Variants in LRRC37A3 observed in about 807,000 individuals in gnomAD.
LRRC37A3 encodes leucine rich repeat containing 37 member A3.
LRRC37A3 carries 25 observed loss-of-function variants against 106.2 expected under a neutral mutation model. The ratio of observed to expected loss-of-function variants is 0.24; its 90% CI spans 0.17 to 0.33. The LOEUF is 0.33. LRRC37A3 is among the 10% of genes least tolerant of loss of function. The pLI is 1.00. For synonymous variants in LRRC37A3, 305 were observed against 635.8 expected (o/e 0.48, Z 7.83); for missense variants, 712 against 1,644.9 (o/e 0.43, Z 9.81).
At chr17:64,911,417 C>T (rs1373003950) in intron 2 of LRRC37A3, among the ~76,000 whole-genome samples, 1 of 134,754 alleles carries the variant, frequency 7.4e-6, no homozygotes, top group Non-Finnish European at 1.6e-5. Flanking sequence ...TGACATTTCT[C>T]TCAGTACTTT....
Position 64,860,803 on chromosome 17 carries a change from C to G in LRRC37A3, c.3343G>C (p.Asp1115His). 2 of 1,614,204 alleles carry G rather than the reference C, an allele frequency of 1.2e-6. No individual in the cohort carries two copies. Among genetic ancestry groups the G allele is most frequent in the Non-Finnish European group, 1.7e-6 (2 of 1,180,024 alleles). ...SEQLDTNDES[D>H]VTSTLSYILP... is the part of the protein sequence containing the mutation. Reference sequence around the variant, plus strand: ...ATGTAACTTAGTGTACTGGTAACATCACTCTCGTCATTGGTGTCTAGCTGC... The same window carrying G: ...ATGTAACTTAGTGTACTGGTAACATGACTCTCGTCATTGGTGTCTAGCTGC... Residue 1115 changes from aspartate to histidine, a missense_variant, in exon 12 of 15, where the codon GAT becomes CAT. Transcript: ENST00000584306.
intron 8 of LRRC37A3, among the ~76,000 whole-genome samples, chr17:64,884,347 G>GATGATT (rs1973804485): frequency 1.3e-5 from 2 of 150,756 alleles, no homozygotes; most frequent in Non-Finnish European, 1.5e-5. Flanking sequence ...TGACGATGAT[G>GATGATT]ATTATTATTA....
chr17:64,861,346 C>A (rs570837874), intron 11 of LRRC37A3, among the ~76,000 whole-genome samples: 146 of 152,298 alleles, frequency 9.6e-4, no homozygotes, highest in African/African-American at 3.5e-3. Flanking sequence ...GCTGTCCTGC[C>A]TCAGATGCAG....
intron 10 of LRRC37A3, chr17:64,863,639 G>A (rs1972955189): frequency 6.5e-6 from 1 of 153,106 alleles, no homozygotes; most frequent in Non-Finnish European, 1.5e-5. Flanking sequence ...AAATGTAGAA[G>A]GAATGACAGA....
intron 8 of LRRC37A3, among the ~76,000 whole-genome samples, chr17:64,873,248 T>C (rs1291403031): frequency 6.7e-6 from 1 of 149,508 alleles, no homozygotes; most frequent in Non-Finnish European, 1.5e-5. Flanking sequence ...AAACAAAGTA[T>C]GGCCCAAACA....
intron 10 of LRRC37A3, among the ~76,000 whole-genome samples, chr17:64,866,396 T>C (rs1347853790): frequency 6.6e-6 from 1 of 151,110 alleles, no homozygotes; most frequent in East Asian, 1.9e-4. Context: ...AAGGGCCCTT[T>C]CCATGCTAAT....
chr17:64,881,303 A>G, intron 8 of LRRC37A3: 2 of 664,784 alleles, frequency 3.0e-6, no homozygotes, highest in Non-Finnish European at 2.7e-6. Context: ...AGTGCAGTGC[A>G]GTGGTGTGAT....
At chr17:64,873,213 A>G (rs1973380389) in intron 8 of LRRC37A3, among the ~76,000 whole-genome samples, 1 of 150,356 alleles carries the variant, frequency 6.7e-6, no homozygotes, top group Non-Finnish European at 1.5e-5. Context: ...TCAATTTTTA[A>G]CAAACATTTA....
intron 8 of LRRC37A3, among the ~76,000 whole-genome samples, chr17:64,882,405 G>C (rs558147348): frequency 9.2e-5 from 14 of 152,150 alleles, no homozygotes; most frequent in African/African-American, 2.9e-4. Flanking sequence ...CTGCAGCTGA[G>C]AGAAGAAAAG....
intron 2 of LRRC37A3, among the ~76,000 whole-genome samples, chr17:64,917,149 G>A (rs948091735): frequency 6.6e-6 from 1 of 150,868 alleles, no homozygotes; most frequent in Non-Finnish European, 1.5e-5. Flanking sequence ...GGGAGGCTGA[G>A]GCAGGAGAAT....
intron 8 of LRRC37A3, among the ~76,000 whole-genome samples, chr17:64,875,605 A>G (rs1246025419): frequency 1.3e-5 from 2 of 152,100 alleles, no homozygotes; most frequent in East Asian, 1.9e-4. Context: ...CCTGGCAAAC[A>G]TGGTGAAACC....
rs369581909 is a variant in LRRC37A3, at chr17:64,860,572, C to T, written c.3574G>A (p.Gly1192Ser). ...VGRQSIRREQGAQASVENTAE... is the reference protein window; with the variant it reads ...VGRQSIRREQSAQASVENTAE... ...GTGTTCTCCACAGATGCCTGGGCAC[C>T]CTGTTCCCTCCTGATGCTCTGCCTT... The change falls in exon 12 of 15, where the codon GGT (glycine) becomes AGT (serine). Residue 1192 changes from glycine (G) to serine (S), a missense_variant. Coordinates refer to ENST00000584306, the MANE Select transcript of LRRC37A3 (RefSeq NM_199340.5). The T allele has an allele frequency of 2.5e-6, 4 of 1,613,268 alleles. No individual in the cohort carries two copies. The African/African-American group carries it at 5.3e-5, about 22-fold the overall frequency.
chr17:64,878,566 T>C (rs1164720514), intron 8 of LRRC37A3, among the ~76,000 whole-genome samples: 1 of 152,230 alleles, frequency 6.6e-6, no homozygotes, highest in East Asian at 1.9e-4. Context: ...AAATGGCTCA[T>C]ATACACATAA....
chr17:64,877,294 CGGG>C lies in LRRC37A3; in HGVS notation c.2907-8131_2907-8129del, dbSNP rs751843446. On this transcript the variant is annotated intron_variant, in intron 8 of 14. Transcript: ENST00000584306. ...TCGGCTTACTGCAACCTCCACCTCC[CGGG>C]TTCAAGTGATTCTCCTACCTCAGCC... Among the ~76,000 whole-genome samples the C allele has an allele frequency of 1.6e-3, 245 of 152,262 alleles. 1 individual carries two copies. The highest frequency in any genetic ancestry group is 2.6e-3 in the Non-Finnish European group (180 of 68,004).
intron 11 of LRRC37A3, among the ~76,000 whole-genome samples, chr17:64,862,680 G>T (rs71256291): frequency 2.0e-5 from 3 of 152,142 alleles, no homozygotes; most frequent in African/African-American, 7.2e-5. Context: ...TTGGTCCTTT[G>T]TGCATATGGA....
At chr17:64,871,725 C>T (rs1973319390) in intron 8 of LRRC37A3, 1 of 152,124 alleles carries the variant, frequency 6.6e-6, no homozygotes, top group Non-Finnish European at 1.5e-5. Context: ...AATTCCTGGA[C>T]TCAAAGGATC....
At chr17:64,867,045 C>T (rs1973141004) in intron 10 of LRRC37A3, among the ~76,000 whole-genome samples, 1 of 151,688 alleles carries the variant, frequency 6.6e-6, no homozygotes, top group African/African-American at 2.4e-5. Context: ...TGGGAGAAGA[C>T]ATAGGAGAAA....
chr17:64,916,334 G>T (rs1310016264), intron 2 of LRRC37A3, among the ~76,000 whole-genome samples: 3 of 151,860 alleles, frequency 2.0e-5, no homozygotes, highest in Non-Finnish European at 4.4e-5. Flanking sequence ...GAACCCGGGA[G>T]GGGGAGCTTG....
chr17:64,875,048 C>T (rs1405548265), intron 8 of LRRC37A3, among the ~76,000 whole-genome samples: 2 of 151,802 alleles, frequency 1.3e-5, no homozygotes, highest in Non-Finnish European at 2.9e-5. Context: ...TGTCCTATGA[C>T]CCTGCCAAAT....
Sources: allele counts gnomAD v4.1 joint callset (sites outside exome capture counted in the v4.1 genomes callset), GRCh38; gene constraint gnomAD v4.1.1; transcripts MANE v1.5; gene names NCBI Gene and HGNC (gene_info 2026-07-23, HGNC 2026-07-21).